Variants in TPM1 observed in about 807,000 individuals in gnomAD.
TPM1 encodes the protein tropomyosin alpha-1 chain.
In TPM1, 24 loss-of-function variants were observed where a neutral mutation model predicts 42.9. The observed-to-expected ratio is 0.56, with a 90% CI of 0.41 to 0.79. The LOEUF is 0.79. TPM1 is among the 30% of genes least tolerant of loss of function. The probability of loss-of-function intolerance (pLI) is 0.00; values close to 1 mark genes in which losing one functional copy is unlikely to be tolerated. For missense variants in TPM1, 158 were observed against 351.8 expected (o/e 0.45, Z 4.41); for synonymous variants, 136 against 130.1 (o/e 1.05, Z -0.31).
downstream of TPM1, chr15:63,071,142 T>G: frequency 6.2e-7 from 1 of 1,614,174 alleles, no homozygotes; most frequent in African/African-American, 1.3e-5. Context: ...AGATGCTGGA[T>G]CAGACTTTAC....
downstream of TPM1, chr15:63,071,036 C>T (rs141915666): frequency 4.6e-4 from 737 of 1,611,512 alleles, 4 homozygotes; most frequent in African/African-American, 8.5e-3. Context: ...GTACAAACCA[C>T]CATTGTGTCC....
chr15:63,063,194 A>G (rs1303471700), intron 8 of TPM1: 4 of 985,352 alleles, frequency 4.1e-6, no homozygotes, highest in African/African-American at 3.5e-5. Flanking sequence ...TAACCACTCT[A>G]TCTCACAGAT....
chr15:63,070,844 A>G, downstream of TPM1: 4 of 1,297,442 alleles, frequency 3.1e-6, no homozygotes, highest in Non-Finnish European at 4.0e-6. Context: ...TTTTATCCTC[A>G]GTGAATTGTT....
At chr15:63,057,414 A>G (rs558935213) in intron 3 of TPM1, among the ~76,000 whole-genome samples, 5 of 152,360 alleles carry the variant, frequency 3.3e-5, no homozygotes, top group African/African-American at 9.6e-5. Context: ...GAGAAATGTC[A>G]GGGATACAAG....
downstream of TPM1, among the ~76,000 whole-genome samples, chr15:63,066,347 ATCTGGGGGGGT>A (rs1199253855): frequency 6.6e-6 from 1 of 151,740 alleles, no homozygotes; most frequent in African/African-American, 2.4e-5. Context: ...AGGTCTGGAC[ATCTGGGGGGGT>A]TTTGGGGGAA....
At chr15:63,043,023 G>A in intron 1 of TPM1, 80 bp downstream of exon 1, 2 of 1,316,100 alleles carry the variant, frequency 1.5e-6, no homozygotes, top group Non-Finnish European at 2.1e-6. Context: ...TCCCCACCCC[G>A]AGGACTCGGG....
downstream of TPM1, chr15:63,070,756 C>G (rs2141037813): frequency 1.7e-6 from 2 of 1,164,624 alleles, no homozygotes; most frequent in Admixed American, 8.8e-5. Flanking sequence ...TATAACAGTG[C>G]TGCAGCTGTA....
In TPM1 at chr15:63,060,938, G is replaced by T. The variant is rs2035531508; in HGVS notation, c.562G>T (p.Gly188Cys). 2 of 1,613,956 alleles carry T rather than the reference G, an allele frequency of 1.2e-6. No individual in the cohort carries two copies. The highest frequency in any genetic ancestry group is 1.7e-6 in the Non-Finnish European group (2 of 1,180,050). The change falls in exon 5 of 10, where the codon GGC becomes TGC. Residue 188 changes from glycine (G) to cysteine (C), a missense_variant and splice_region_variant. Physicochemically the swap from Gly to Cys is radical, Grantham distance 159. Coordinates refer to ENST00000403994, the MANE Select transcript of TPM1 (RefSeq NM_001018005.2). ...AGAGGAGCGGGCTGAGCTCTCAGAA[G>T]GGTAAGCGGGCCCGGCGCCAGGAGG... is the stretch of plus-strand genomic sequence containing the variant. ...RAEERAELSE[G>C]KCAELEEELK...
rs772865206 is a variant in TPM1 at position 63,042,793 on chromosome 15, T to C, written c.-37T>C. Reference sequence around the variant, plus strand: ...CCCGACCGCGCGCTCGCCCCGCCGCTCCTGCTGCAGCCCCAGGGCCCCTCG... The same window carrying C: ...CCCGACCGCGCGCTCGCCCCGCCGCCCCTGCTGCAGCCCCAGGGCCCCTCG... On this transcript the variant is annotated 5_prime_UTR_variant, in exon 1 of 10. Coordinates refer to ENST00000403994, the MANE Select transcript of TPM1 (RefSeq NM_001018005.2). 5 of 1,583,092 alleles carry C rather than the reference T, an allele frequency of 3.2e-6. No individual in the cohort carries two copies. The South Asian group carries it at 5.5e-5, about 18-fold the overall frequency.
intron 1 of TPM1, chr15:63,043,732 G>T (rs1042261478): frequency 6.5e-7 from 1 of 1,548,938 alleles, no homozygotes; most frequent in East Asian, 2.4e-5. Context: ...CGGCCAAGGA[G>T]AAGTTGCTGC....
intron 2 of TPM1, among the ~76,000 whole-genome samples, chr15:63,050,463 T>C (rs977945772): frequency 1.3e-5 from 2 of 152,220 alleles, no homozygotes; most frequent in African/African-American, 2.4e-5. Context: ...GGCCTAGTGA[T>C]TGATGTTAGA....
At chr15:63,071,365 G>A (rs1293492154) in exon 9 of TPM1, 4 of 580,558 alleles carry the variant, frequency 6.9e-6, no homozygotes, top group Non-Finnish European at 1.2e-5. Context: ...TGGTTCAAAT[G>A]TGCCATTTCC....
chr15:63,050,243 C>T (rs1323834863), intron 2 of TPM1, among the ~76,000 whole-genome samples: 2 of 152,218 alleles, frequency 1.3e-5, no homozygotes, highest in African/African-American at 4.8e-5. Context: ...TAAAGATGGC[C>T]TGCTCATTTC....
intron 2 of TPM1, chr15:63,048,057 C>T (rs2032782132): frequency 2.9e-6 from 1 of 347,204 alleles, no homozygotes; most frequent in African/African-American, 2.3e-5. Context: ...AGGGCATATT[C>T]CGGCTCCAGA....
intron 1 of TPM1, 92 bp from the exon 2 acceptor site, chr15:63,043,935 C>T (rs2031817145): frequency 3.8e-6 from 6 of 1,559,818 alleles, no homozygotes; most frequent in South Asian, 2.4e-5. Context: ...TGTCCCTGTC[C>T]TTCTGGTTCT....
chr15:63,070,508 G>A, downstream of TPM1: 1 of 993,142 alleles, frequency 1.0e-6, no homozygotes, highest in African/African-American at 1.7e-5. Flanking sequence ...TGGAGTCTGG[G>A]GAGAATGTCA....
At chr15:63,061,367 C>T (rs2035598578) in intron 5 of TPM1, 3 of 1,116,254 alleles carry the variant, frequency 2.7e-6, no homozygotes, top group South Asian at 2.6e-5. Context: ...AACGACTGCA[C>T]CTTCACTTCA....
chr15:63,061,297 T>C lies in TPM1; in HGVS notation c.563+358T>C, dbSNP rs2035586978. The C allele has an allele frequency of 2.5e-6, 4 of 1,611,962 alleles. No homozygotes were observed. The South Asian group carries it at 4.4e-5, about 18-fold the overall frequency. ...AGGTACTGATGGCTCGTGTGGTTTT[T>C]AGGTTTAACTGCAACCCAGACATCT... On this transcript the variant is annotated intron_variant, in intron 5 of 9. Coordinates refer to ENST00000403994, the MANE Select transcript of TPM1 (RefSeq NM_001018005.2).
At chr15:63,070,427 G>A (rs978502337), downstream of TPM1, 2 of 994,446 alleles carry the variant, frequency 2.0e-6, no homozygotes, top group Admixed American at 5.6e-5. Context: ...AATAGCTTTT[G>A]AAAACAGGAA....
Sources: gnomAD v4.1 joint callset for allele counts (sites outside exome capture counted in the v4.1 genomes callset) on GRCh38, gnomAD v4.1.1 for gene constraint, MANE v1.5 for transcripts, NCBI Gene and HGNC (gene_info 2026-07-23, HGNC 2026-07-21) for gene names.